The following TCF4 variants were observed in gnomAD, a reference collection of about 807,000 sequenced individuals.
The protein encoded by TCF4 is transcription factor 4.
Under a neutral mutation model 82.1 loss-of-function variants are expected in TCF4, and 3 were observed. That is an observed-to-expected ratio of 0.04 (90% confidence interval 0.02 to 0.09). TCF4 has a LOEUF of 0.09. Among genes scored for constraint, TCF4 ranks in the 10% least tolerant of loss-of-function variants. The pLI is 1.00. For missense variants in TCF4, 518 were observed against 852.7 expected (o/e 0.61, Z 4.89); for synonymous variants, 276 against 309.6 (o/e 0.89, Z 1.14).
chr18:55,412,395 C>G (rs1406724110), intron 5 of TCF4, among the ~76,000 whole-genome samples: 2 of 150,686 alleles, frequency 1.3e-5, no homozygotes, highest in East Asian at 3.9e-4. Flanking sequence ...CAAATCGATT[C>G]CCCTAATAAA....
chr18:55,264,024 T>C (rs150342354), intron 11 of TCF4, among the ~76,000 whole-genome samples: 1,626 of 152,132 alleles, frequency 0.011, 34 homozygotes, highest in African/African-American at 0.036. Flanking sequence ...TTTATGAAAC[T>C]AAACAAAGTA....
intron 6 of TCF4, among the ~76,000 whole-genome samples, chr18:55,368,402 CAAT>C (rs2145479260): frequency 6.6e-6 from 1 of 152,130 alleles, no homozygotes; most frequent in East Asian, 1.9e-4. Context: ...CAAACAACAA[CAAT>C]AACAAAAAGT....
At position 55,380,376 on chromosome 18, in the gene TCF4, C is replaced by T. The variant is rs150379627; in HGVS notation, c.369+23078G>A. ...TGGTGTTTTGCTGCACCCATCAACC[C>T]GTCATCTACATCCGGTATTTCTCCT... On this transcript the variant is annotated intron_variant, in intron 6 of 19. Coordinates refer to ENST00000354452, the MANE Select transcript of TCF4 (RefSeq NM_001083962.2). Among the ~76,000 whole-genome samples the T allele has an allele frequency of 3.8e-3, 572 of 152,054 alleles. 2 individuals carry two copies. The highest frequency in any genetic ancestry group is 0.013 in the African/African-American group (544 of 41,466).
At chr18:55,332,780 C>T (rs1013864944) in intron 8 of TCF4, among the ~76,000 whole-genome samples, 2 of 152,330 alleles carry the variant, frequency 1.3e-5, no homozygotes, top group African/African-American at 4.8e-5. Flanking sequence ...TTCTGACTCA[C>T]GTCAGTGTTT....
intron 15 of TCF4, among the ~76,000 whole-genome samples, chr18:55,235,683 G>A (rs1217784046): frequency 1.3e-5 from 2 of 152,226 alleles, no homozygotes; most frequent in South Asian, 2.1e-4. Context: ...AGGACAATCA[G>A]TAGTTCACAT....
chr18:55,245,945 G>C (rs539345911), intron 15 of TCF4, among the ~76,000 whole-genome samples: 2 of 152,326 alleles, frequency 1.3e-5, no homozygotes, highest in African/African-American at 4.8e-5. Context: ...TGCAGAAAGA[G>C]TGAATGAACA....
intron 3 of TCF4, among the ~76,000 whole-genome samples, chr18:55,532,065 C>A (rs1240736087): frequency 6.6e-6 from 1 of 152,102 alleles, no homozygotes; most frequent in East Asian, 1.9e-4. Context: ...GGATTTACTC[C>A]CATTACTAAA....
intron 3 of TCF4, among the ~76,000 whole-genome samples, chr18:55,510,402 C>T (rs895980195): frequency 1.3e-5 from 2 of 152,090 alleles, no homozygotes; most frequent in African/African-American, 4.8e-5. Context: ...TATATGTGTC[C>T]AACCTGACAG....
intron 14 of TCF4, among the ~76,000 whole-genome samples, chr18:55,256,394 G>C (rs1436528742): frequency 6.6e-6 from 1 of 152,120 alleles, no homozygotes; most frequent in Non-Finnish European, 1.5e-5. Context: ...ATTGGGCTGG[G>C]TAGTGCATAT....
chr18:55,360,323 G>C (rs1603341082), intron 6 of TCF4, among the ~76,000 whole-genome samples: 1 of 152,170 alleles, frequency 6.6e-6, no homozygotes, highest in Admixed American at 6.5e-5. Flanking sequence ...GGAGACTAGA[G>C]ACAGAACTTA....
chr18:55,589,940 C>A, upstream of TCF4: 1 of 629,410 alleles, frequency 1.6e-6, no homozygotes, highest in Non-Finnish European at 2.0e-6. Flanking sequence ...GTCGACCACG[C>A]CTCCTCCGGG....
At chr18:55,240,398 A>G (rs2050838651) in intron 15 of TCF4, among the ~76,000 whole-genome samples, 1 of 152,220 alleles carries the variant, frequency 6.6e-6, no homozygotes, top group South Asian at 2.1e-4. Flanking sequence ...TCCCCATGAA[A>G]TATCAATTAT....
intron 5 of TCF4, among the ~76,000 whole-genome samples, chr18:55,440,714 C>A (rs1003855838): frequency 2.0e-5 from 3 of 152,180 alleles, no homozygotes; most frequent in African/African-American, 7.2e-5. Flanking sequence ...TTCTCAACAT[C>A]TTCCTGTAAT....
At chr18:55,591,520 G>A (rs1314506124), upstream of TCF4, among the ~76,000 whole-genome samples, 6 of 152,064 alleles carry the variant, frequency 3.9e-5, no homozygotes, top group Admixed American at 2.6e-4. Flanking sequence ...TTGTTTGTTT[G>A]TTTTGTTTTG....
At chr18:55,587,450 A>G (rs922655094) in intron 1 of TCF4, among the ~76,000 whole-genome samples, 20 of 150,968 alleles carry the variant, frequency 1.3e-4, no homozygotes, top group Admixed American at 5.3e-4. Flanking sequence ...AGAAAAAAAA[A>G]AAGCCGCTCT....
At chr18:55,498,938 T>A (rs1265561191) in intron 3 of TCF4, among the ~76,000 whole-genome samples, 3 of 151,968 alleles carry the variant, frequency 2.0e-5, no homozygotes, top group Non-Finnish European at 4.4e-5. Context: ...GGAAGTAGAG[T>A]TTTCATGTAC....
intron 8 of TCF4, chr18:55,322,432 A>C: frequency 3.0e-6 from 3 of 991,004 alleles, no homozygotes; most frequent in Non-Finnish European, 3.6e-6. Context: ...GAAGAAAAAA[A>C]AAAAAAAAAA....
Position 55,239,242 on chromosome 18 carries a change from C to T in TCF4, c.1351-4559G>A, listed in dbSNP as rs150597877. On this transcript the variant is annotated intron_variant, in intron 15 of 19. Coordinates refer to ENST00000354452, the MANE Select transcript of TCF4 (RefSeq NM_001083962.2). ...AGGGCTTGACAAACTGATAGAAACACTTTTAAATCACAGAACTTAGACGTC... is the reference window on the plus strand; with the variant it reads ...AGGGCTTGACAAACTGATAGAAACATTTTTAAATCACAGAACTTAGACGTC... Among the ~76,000 whole-genome samples the T allele has an allele frequency of 5.9e-5, 9 of 152,286 alleles. 1 individual carries two copies. The highest frequency in any genetic ancestry group is 9.6e-5 in the African/African-American group (4 of 41,554).
intron 15 of TCF4, among the ~76,000 whole-genome samples, chr18:55,247,613 G>A (rs530671321): frequency 6.6e-6 from 1 of 152,318 alleles, no homozygotes; most frequent in African/African-American, 2.4e-5. Context: ...CTTAAGCACT[G>A]TGTTCAGTTT....
Sources: allele counts gnomAD v4.1 joint callset (sites outside exome capture counted in the v4.1 genomes callset), GRCh38; gene constraint gnomAD v4.1.1; transcripts MANE v1.5; gene names NCBI Gene and HGNC (gene_info 2026-07-23, HGNC 2026-07-21).